ASPA: variants seen among roughly 807,000 people sequenced by gnomAD.
ASPA encodes the protein aspartoacylase.
Under a neutral mutation model 29.6 loss-of-function variants are expected in ASPA, and 25 were observed. The observed-to-expected ratio is 0.85, with a 90% confidence interval of 0.62 to 1.18. The LOEUF (loss-of-function observed/expected upper bound fraction) is 1.18. Ranked by LOEUF, ASPA falls within the 50% of genes most tolerant of loss-of-function variation. ASPA has a pLI of 0.00. For missense variants in ASPA, 333 were observed against 385.7 expected (o/e 0.86, Z 1.14); for synonymous variants, 131 against 130.3 (o/e 1.01, Z -0.04).
intron 4 of ASPA, 135 bp from the exon 5 acceptor site, chr17:3,494,213 AGG>A: frequency 1.9e-5 from 13 of 673,164 alleles, no homozygotes; most frequent in South Asian, 1.8e-4. Context: ...CATGTTGGCC[AGG>A]CTGTTCTCGA....
Position 3,496,935 on chromosome 17 carries a change from A to G in ASPA, c.745-1956A>G, listed in dbSNP as rs562133017. Among the ~76,000 whole-genome samples the G allele has an allele frequency of 7.7e-4, 117 of 152,224 alleles. 2 individuals are homozygous for G. The highest frequency in any genetic ancestry group is 2.6e-3 in the Admixed American group (40 of 15,280). ...CAAAAAATTAGCCGGGCATGGTGGC[A>G]GGCGCCTGTAATCCCAGCTACTCGG... is the stretch of plus-strand genomic sequence containing the variant. On this transcript the variant is annotated intron_variant, in intron 5 of 5. Coordinates refer to ENST00000263080, the MANE Select transcript of ASPA (RefSeq NM_000049.4).
chr17:3,478,827 A>C (rs75540216), intron 1 of ASPA, among the ~76,000 whole-genome samples: 5,599 of 152,224 alleles, frequency 0.037, 156 homozygotes, highest in East Asian at 0.11. Flanking sequence ...TTATCCACCA[A>C]GTCCCCTGTG....
intron 4 of ASPA, among the ~76,000 whole-genome samples, chr17:3,493,990 T>C (rs1035778218): frequency 6.6e-6 from 1 of 152,134 alleles, no homozygotes; most frequent in African/African-American, 2.4e-5. Context: ...ATTGTTGCTG[T>C]TGTTATTATT....
rs1410439886 is a variant in ASPA, at chr17:3,476,034, AG to A, written c.-123del. On this transcript the variant is annotated 5_prime_UTR_variant, in exon 1 of 6. Coordinates refer to ENST00000263080, the MANE Select transcript of ASPA (RefSeq NM_000049.4). ...AGAAAATTAAAATATACTCCACTCA[AG>A]GGAATTCTGTACTTTGCCCTTTGGG... 2.3e-6 allele frequency: 2 copies of A among 864,984 alleles called. No homozygotes were observed. The highest frequency in any genetic ancestry group is 1.8e-6 in the Non-Finnish European group (1 of 543,290). The allele number at this position is 864,984 out of a possible 1,614,324, so 53.6% of individuals were successfully genotyped here.
At chr17:3,476,965 C>G (rs1207675543) in intron 1 of ASPA, among the ~76,000 whole-genome samples, 1 of 152,138 alleles carries the variant, frequency 6.6e-6, no homozygotes. Context: ...ACCATCCTGG[C>G]TAATGCAGTG....
At chr17:3,482,556 A>G (rs1180794762) in intron 2 of ASPA, among the ~76,000 whole-genome samples, 11 of 152,280 alleles carry the variant, frequency 7.2e-5, no homozygotes, top group African/African-American at 2.6e-4. Flanking sequence ...AAAACACACC[A>G]TTCCCAAAAC....
At chr17:3,476,718 C>T (rs1230542001) in intron 1 of ASPA, among the ~76,000 whole-genome samples, 3 of 152,130 alleles carry the variant, frequency 2.0e-5, no homozygotes, top group Non-Finnish European at 4.4e-5. Flanking sequence ...TTTAATACTC[C>T]TTTGCATTGA....
At position 3,499,681 on chromosome 17, in the gene ASPA, T is replaced by G. The variant is rs1345811065; in HGVS notation, c.*593T>G. 1 of 152,358 alleles carries G rather than the reference T, an allele frequency of 6.6e-6. No individual in the cohort carries two copies. Among genetic ancestry groups the G allele is most frequent in the Non-Finnish European group, 1.5e-5 (1 of 68,162 alleles). 9.4% of individuals were successfully genotyped at this position (152,358 alleles called of 1,614,324 possible). On this transcript the variant is annotated 3_prime_UTR_variant, in exon 6 of 6. Coordinates refer to ENST00000263080, the MANE Select transcript of ASPA (RefSeq NM_000049.4). ...TGGGGCACCATGAATCGTGCCCATG[T>G]GAGACTGCGAACTTAGTGAATGTTG...
chr17:3,482,944 C>T (rs2073658399), intron 2 of ASPA, among the ~76,000 whole-genome samples: 1 of 110,962 alleles, frequency 9.0e-6, no homozygotes. Flanking sequence ...TCCCCCCTCC[C>T]CCCACCCCAA....
intron 1 of ASPA, among the ~76,000 whole-genome samples, chr17:3,480,913 A>G (rs761184738): frequency 1.3e-5 from 2 of 152,210 alleles, no homozygotes; most frequent in Non-Finnish European, 2.9e-5. Context: ...AGGCAGTTTT[A>G]GTTCAAGACC....
At chr17:3,491,076 T>G (rs2073816353) in intron 4 of ASPA, among the ~76,000 whole-genome samples, 1 of 152,228 alleles carries the variant, frequency 6.6e-6, no homozygotes, top group South Asian at 2.1e-4. Flanking sequence ...GCTTCATTCT[T>G]GACTCTGTCC....
chr17:3,502,576 G>A lies in ASPA; in HGVS notation c.*3488G>A, dbSNP rs1217425298. ...GCTGTTTTGTAGATGAAATATGAAA[G>A]AGAAACAAGGGCTTAATGGTAAAGA... On this transcript the variant is annotated 3_prime_UTR_variant, in exon 6 of 6. Coordinates refer to ENST00000263080, the MANE Select transcript of ASPA (RefSeq NM_000049.4). 1 of 152,206 alleles carries A rather than the reference G, an allele frequency of 6.6e-6. No homozygotes were observed. Among genetic ancestry groups the A allele is most frequent in the Non-Finnish European group, 1.5e-5 (1 of 68,034 alleles). The allele number at this position is 152,206 out of a possible 1,614,324, so 9.4% of individuals were successfully genotyped here. A position where few individuals can be genotyped will look rare whatever the true frequency, so the allele number is the denominator to read the frequency against.
chr17:3,494,569 A>G lies in ASPA; in HGVS notation c.744+110A>G, dbSNP rs531268245. The G allele has an allele frequency of 4.2e-4, 370 of 877,110 alleles. 2 individuals carry two copies. In the South Asian group the frequency reaches 4.8e-3, roughly 11 times the overall value. 54.3% of individuals were successfully genotyped at this position (877,110 alleles called of 1,614,324 possible). A position where few individuals can be genotyped will look rare whatever the true frequency, so the allele number is the denominator to read the frequency against. On this transcript the variant is annotated intron_variant, in intron 5 of 5. Coordinates refer to ENST00000263080, the MANE Select transcript of ASPA (RefSeq NM_000049.4). ...GTACATTCGCCCATTTGATGCTCTCATTAGACACTGAGTGTAGATAGGGAA... is the reference window on the plus strand; with the variant it reads ...GTACATTCGCCCATTTGATGCTCTCGTTAGACACTGAGTGTAGATAGGGAA...
intron 4 of ASPA, 107 bp downstream of exon 4, chr17:3,489,449 A>T: frequency 3.2e-6 from 3 of 947,942 alleles, no homozygotes; most frequent in Non-Finnish European, 5.0e-6. Context: ...GTGCTTTTTA[A>T]AATTTTTATT....
chr17:3,479,664 C>T (rs533970439), intron 1 of ASPA, among the ~76,000 whole-genome samples: 4 of 152,118 alleles, frequency 2.6e-5, no homozygotes, highest in Non-Finnish European at 5.9e-5. Flanking sequence ...GTCCCTTCTA[C>T]CTTCCCAGTG....
chr17:3,490,690 T>C lies in ASPA; in HGVS notation c.634+1348T>C, dbSNP rs1297622262. Among the ~76,000 whole-genome samples, 7 of 152,224 alleles carry C rather than the reference T, an allele frequency of 4.6e-5. No homozygotes were observed. The highest frequency in any genetic ancestry group is 8.8e-5 in the Non-Finnish European group (6 of 68,046). ...AACTGGTTTTGAGAAGATCACAACA[T>C]ACTTACAATAAACCCTCTGAATAGG... On this transcript the variant is annotated intron_variant, in intron 4 of 5. Coordinates refer to ENST00000263080, the MANE Select transcript of ASPA (RefSeq NM_000049.4). This position sits in a 1 kb window ranked among gnomAD's most constrained non-coding sequence, Gnocchi z 4.6.
In ASPA at chr17:3,490,692, C is replaced by T. The variant is rs2073809857; in HGVS notation, c.634+1350C>T. Among the ~76,000 whole-genome samples, 1 of 152,196 alleles carries T rather than the reference C, an allele frequency of 6.6e-6. No individual in the cohort carries two copies. The highest frequency in any genetic ancestry group is 1.5e-5 in the Non-Finnish European group (1 of 68,040). On this transcript the variant is annotated intron_variant, in intron 4 of 5. Coordinates refer to ENST00000263080, the MANE Select transcript of ASPA (RefSeq NM_000049.4). This position sits in a 1 kb window ranked among gnomAD's most constrained non-coding sequence, Gnocchi z 4.6. ...CTGGTTTTGAGAAGATCACAACATA[C>T]TTACAATAAACCCTCTGAATAGGAA...
chr17:3,481,696 C>T lies in ASPA; in HGVS notation c.330C>T (p.Asp110=), dbSNP rs752909030. 1 of 1,613,820 alleles carries T rather than the reference C, an allele frequency of 6.2e-7. No homozygotes were observed. The highest frequency in any genetic ancestry group is 8.5e-7 in the Non-Finnish European group (1 of 1,179,860). The change falls in exon 2 of 6, where the codon GAC becomes GAT. Residue 110 remains aspartate (D), a synonymous_variant. Transcript: ENST00000263080. The part of the protein sequence containing the change: ...FGPKDSEDSY[D]IIFDLHNTTS... ...CAAAAGACAGTGAAGATTCCTATGA[C>T]ATTATTTTTGACCTTCACAACACCA...
rs532505690 is a variant in ASPA at position 3,501,389 on chromosome 17, G to A, written c.*2301G>A. ...CCTCTTGGATGACTCTGAGGAATTC[G>A]AGACTTGAGTAAAGGAAGTCATGCA... On this transcript the variant is annotated 3_prime_UTR_variant, in exon 6 of 6. Coordinates refer to ENST00000263080, the MANE Select transcript of ASPA (RefSeq NM_000049.4). 3.3e-5 allele frequency: 5 copies of A among 152,380 alleles called. No homozygotes were observed. In the South Asian group the frequency reaches 6.2e-4, roughly 19 times the overall value. 9.4% of individuals were successfully genotyped at this position (152,380 alleles called of 1,614,324 possible).
Sources: gnomAD v4.1 joint callset for allele counts (sites outside exome capture counted in the v4.1 genomes callset) on GRCh38, gnomAD v4.1.1 for gene constraint, Gnocchi (gnomAD v3.1) non-coding constraint, MANE v1.5 for transcripts, NCBI Gene and HGNC (gene_info 2026-07-23, HGNC 2026-07-21) for gene names.